Variants in ST7 observed in about 807,000 individuals in gnomAD.
ST7 encodes suppressor of tumorigenicity 7 protein.
ST7 carries 28 observed loss-of-function variants against 78.7 expected under a neutral mutation model. The observed-to-expected ratio is 0.36, with a 90% CI of 0.26 to 0.49. The LOEUF (loss-of-function observed/expected upper bound fraction) is 0.49, where lower values mean the gene tolerates loss of function less well. Ranked by LOEUF, ST7 falls within the 20% of genes least tolerant of loss-of-function variation. The probability of loss-of-function intolerance (pLI) is 0.99; values close to 1 mark genes in which losing one functional copy is unlikely to be tolerated. For missense variants in ST7, 418 were observed against 696.0 expected, an observed-to-expected ratio of 0.60 and a Z score of 4.49; for synonymous variants, 247 against 249.6, an observed-to-expected ratio of 0.99 and a Z score of 0.10.
At chr7:116,979,196 T>C (rs74866516) in intron 1 of ST7, among the ~76,000 whole-genome samples, 6,865 of 152,202 alleles carry the variant, frequency 0.045, 210 homozygotes, top group Non-Finnish European at 0.068. Context: ...TTTCATTGGC[T>C]GAACCCAACC....
At chr7:116,956,823 G>A (rs992673823) in intron 1 of ST7, 9 of 361,884 alleles carry the variant, frequency 2.5e-5, no homozygotes, top group Non-Finnish European at 3.3e-5. Flanking sequence ...TAAAACCCAG[G>A]GTAAATAAGG....
intron 13 of ST7, among the ~76,000 whole-genome samples, chr7:117,218,606 C>G (rs1181254948): frequency 6.6e-6 from 1 of 152,136 alleles, no homozygotes; most frequent in African/African-American, 2.4e-5. Context: ...GATTGGAATT[C>G]AAATCCACTT....
intron 1 of ST7, among the ~76,000 whole-genome samples, chr7:117,094,473 C>G (rs574542829): frequency 1.3e-5 from 2 of 152,314 alleles, no homozygotes; most frequent in South Asian, 4.1e-4. Context: ...TGTGTCCTTT[C>G]CCATTTGCTT....
At chr7:117,225,760 G>T (rs187153911) in intron 15 of ST7, among the ~76,000 whole-genome samples, 27 of 152,272 alleles carry the variant, frequency 1.8e-4, no homozygotes, top group African/African-American at 6.0e-4. Flanking sequence ...CCCAGCTGCT[G>T]GCTTGGGAAC....
intron 1 of ST7, among the ~76,000 whole-genome samples, chr7:117,030,620 A>G (rs532492625): frequency 6.6e-6 from 1 of 152,356 alleles, no homozygotes; most frequent in East Asian, 1.9e-4. Context: ...AGAAATGCCA[A>G]TCAAAGCCAC....
chr7:117,104,616 A>G (rs1249167443), intron 2 of ST7, among the ~76,000 whole-genome samples: 2 of 152,238 alleles, frequency 1.3e-5, no homozygotes, highest in Admixed American at 1.3e-4. Context: ...CACTTCTTGG[A>G]TATATATCCA....
At chr7:117,093,828 G>T (rs1450407975) in intron 1 of ST7, among the ~76,000 whole-genome samples, 1 of 152,184 alleles carries the variant, frequency 6.6e-6, no homozygotes, top group Non-Finnish European at 1.5e-5. Flanking sequence ...TGACAACTAT[G>T]CAAGATAGGT....
intron 1 of ST7, among the ~76,000 whole-genome samples, chr7:116,963,478 C>T (rs1039510353): frequency 1.3e-5 from 2 of 152,150 alleles, no homozygotes; most frequent in Non-Finnish European, 2.9e-5. Flanking sequence ...GTTGCTGTGG[C>T]TGTGGTATCA....
intron 1 of ST7, among the ~76,000 whole-genome samples, chr7:117,057,634 A>G (rs1000975757): frequency 6.6e-6 from 1 of 152,304 alleles, no homozygotes; most frequent in South Asian, 2.1e-4. Context: ...TAACATTATT[A>G]GATATTAAGC....
At chr7:116,976,597 T>C (rs1033874930) in intron 1 of ST7, among the ~76,000 whole-genome samples, 3 of 152,258 alleles carry the variant, frequency 2.0e-5, no homozygotes, top group Non-Finnish European at 4.4e-5. Flanking sequence ...GCTGTCATTT[T>C]TGCTCACATT....
At chr7:117,210,939 C>T (rs1007155685) in intron 13 of ST7, among the ~76,000 whole-genome samples, 2 of 152,178 alleles carry the variant, frequency 1.3e-5, no homozygotes, top group Non-Finnish European at 2.9e-5. Flanking sequence ...CTCACCCTTA[C>T]TCTGATCAAC....
chr7:117,154,801 G>A (rs1584483490), intron 9 of ST7, among the ~76,000 whole-genome samples: 1 of 152,134 alleles, frequency 6.6e-6, no homozygotes, highest in East Asian at 1.9e-4. Flanking sequence ...CTAGGGTGAG[G>A]GTGTTGCTAT....
intron 9 of ST7, among the ~76,000 whole-genome samples, chr7:117,162,668 G>A (rs1474928832): frequency 2.6e-5 from 4 of 151,886 alleles, no homozygotes; most frequent in Non-Finnish European, 2.9e-5. Context: ...CAAACCAGCT[G>A]TGTGTAAGAG....
chr7:116,966,088 G>C, intron 1 of ST7: 1 of 465,934 alleles, frequency 2.1e-6, no homozygotes. Flanking sequence ...AAAATATAAG[G>C]TCCATTTTAA....
intron 10 of ST7, among the ~76,000 whole-genome samples, chr7:117,171,519 T>C (rs1807988575): frequency 6.6e-6 from 1 of 151,972 alleles, no homozygotes; most frequent in Admixed American, 6.6e-5. Flanking sequence ...TTTCTTTAAA[T>C]GGCAGGCTTT....
At chr7:116,964,964 G>C (rs1481130732) in intron 1 of ST7, among the ~76,000 whole-genome samples, 5 of 152,298 alleles carry the variant, frequency 3.3e-5, no homozygotes, top group Non-Finnish European at 7.3e-5. Flanking sequence ...TCTGTTCTTA[G>C]AGGGAAAGCA....
At chr7:117,152,222 T>A (rs10235357) in intron 9 of ST7, among the ~76,000 whole-genome samples, 16,708 of 117,840 alleles carry the variant, frequency 0.14, 2,285 homozygotes, top group African/African-American at 0.34. Flanking sequence ...TATATATATA[T>A]ACCATGAACA....
chr7:117,062,307 A>T (rs1251023825), intron 1 of ST7, among the ~76,000 whole-genome samples: 3 of 152,204 alleles, frequency 2.0e-5, no homozygotes, highest in African/African-American at 7.2e-5. Context: ...TTTTGGAGGA[A>T]TGCAATTCAG....
chr7:117,111,892 C>T (rs190776380), intron 2 of ST7, among the ~76,000 whole-genome samples: 13 of 152,150 alleles, frequency 8.5e-5, no homozygotes, highest in Admixed American at 3.3e-4. Flanking sequence ...AAAATGCTCC[C>T]CTTAATTATC....
Sources: allele counts gnomAD v4.1 joint callset (sites outside exome capture counted in the v4.1 genomes callset), GRCh38; gene constraint gnomAD v4.1.1; transcripts MANE v1.5; gene names NCBI Gene and HGNC (gene_info 2026-07-23, HGNC 2026-07-21).